Variants in SMG6 observed in about 807,000 individuals in gnomAD.
The protein encoded by SMG6 is telomerase-binding protein EST1A.
SMG6 carries 66 observed loss-of-function variants against 142.2 expected under a neutral mutation model. The ratio of observed to expected loss-of-function variants is 0.46; its 90% CI spans 0.38 to 0.57. The LOEUF is 0.57. Ranked by LOEUF, SMG6 falls within the 20% of genes least tolerant of loss-of-function variation. SMG6 has a pLI of 0.00. For missense variants in SMG6, 1,793 were observed against 1,832.0 expected (o/e 0.98, Z 0.39); for synonymous variants, 779 against 702.4 (o/e 1.11, Z -1.72).
chr17:2,204,497 C>T (rs2072621146), intron 10 of SMG6, among the ~76,000 whole-genome samples: 1 of 152,178 alleles, frequency 6.6e-6, no homozygotes, highest in African/African-American at 2.4e-5. Flanking sequence ...CAACCCCACC[C>T]ACTGTGGTGC....
chr17:2,220,491 G>A (rs529916661), intron 10 of SMG6, among the ~76,000 whole-genome samples: 7 of 152,240 alleles, frequency 4.6e-5, no homozygotes, highest in South Asian at 2.1e-4. Flanking sequence ...TTAGCTGAGC[G>A]TAGTGGCATG....
intron 12 of SMG6, among the ~76,000 whole-genome samples, chr17:2,181,342 C>T (rs902224318): frequency 3.9e-5 from 6 of 152,192 alleles, no homozygotes; most frequent in African/African-American, 9.7e-5. Flanking sequence ...CTGTTGAACG[C>T]GGGCACCAGT....
intron 8 of SMG6, among the ~76,000 whole-genome samples, chr17:2,265,416 A>G (rs2074402037): frequency 1.3e-5 from 2 of 151,976 alleles, no homozygotes; most frequent in South Asian, 2.1e-4. Flanking sequence ...AGGCTGAGGC[A>G]GGAGAAACGC....
In SMG6 at chr17:2,251,967, G is replaced by A. The variant is rs148513434; in HGVS notation, c.2662-7248C>T. Among the ~76,000 whole-genome samples the A allele has an allele frequency of 3.2e-3, 489 of 152,218 alleles. 1 individual carries two copies. Among genetic ancestry groups the A allele is most frequent in the Non-Finnish European group, 5.1e-3 (344 of 68,038 alleles). On this transcript the variant is annotated intron_variant, in intron 8 of 18. Coordinates refer to ENST00000263073, the MANE Select transcript of SMG6 (RefSeq NM_017575.5). ...AAATACAAAATTAGCCGGGCGTGGT[G>A]GCTCATGCCTGTAATCCCAGCTACA...
Position 2,256,897 on chromosome 17 carries a change from T to C in SMG6, c.2662-12178A>G, listed in dbSNP as rs115844611. Among the ~76,000 whole-genome samples, 1,500 of 151,974 alleles carry C rather than the reference T, an allele frequency of 9.9e-3. 27 individuals are homozygous for C. The highest frequency in any genetic ancestry group is 0.034 in the African/African-American group (1,409 of 41,506). On this transcript the variant is annotated intron_variant, in intron 8 of 18. Transcript: ENST00000263073. ...GAAAGAGCATACACATCACTATCTG[T>C]GAGAATTTAAATCCACTTCTTTTTG...
At chr17:2,126,226 A>T (rs1456384601) in intron 13 of SMG6, among the ~76,000 whole-genome samples, 4 of 152,132 alleles carry the variant, frequency 2.6e-5, no homozygotes, top group African/African-American at 9.7e-5. Flanking sequence ...AAAAGAGCTT[A>T]AAAAAACCTG....
At chr17:2,234,037 G>A (rs1453841068) in intron 10 of SMG6, among the ~76,000 whole-genome samples, 5 of 152,162 alleles carry the variant, frequency 3.3e-5, no homozygotes, top group Admixed American at 2.6e-4. Context: ...GTGACAATGA[G>A]GTGAGAGTCA....
intron 8 of SMG6, among the ~76,000 whole-genome samples, chr17:2,268,617 A>T (rs2074475184): frequency 6.6e-6 from 1 of 152,204 alleles, no homozygotes; most frequent in South Asian, 2.1e-4. Context: ...TACTTAAAAA[A>T]ATACAAAAAT....
intron 1 of SMG6, among the ~76,000 whole-genome samples, chr17:2,302,423 C>T (rs1006427524): frequency 2.6e-5 from 4 of 152,030 alleles, no homozygotes; most frequent in Non-Finnish European, 5.9e-5. Flanking sequence ...CGCCTACAGT[C>T]CAAGCTACTG....
chr17:2,297,099 G>T, intron 4 of SMG6, 144 bp downstream of exon 4: 2 of 479,420 alleles, frequency 4.2e-6, no homozygotes, highest in Non-Finnish European at 3.7e-6. Context: ...CATTACAATT[G>T]TTGGTTTAAT....
chr17:2,266,758 G>GTT (rs1014149298), intron 8 of SMG6, among the ~76,000 whole-genome samples: 1 of 152,178 alleles, frequency 6.6e-6, no homozygotes, highest in Non-Finnish European at 1.5e-5. Context: ...GGCATTAAGG[G>GTT]TTTATAGGTA....
chr17:2,195,658 A>C (rs1447070832), intron 10 of SMG6, among the ~76,000 whole-genome samples: 1 of 152,164 alleles, frequency 6.6e-6, no homozygotes, highest in Non-Finnish European at 1.5e-5. Context: ...AGACATAATA[A>C]CTAAGACATT....
At position 2,234,542 on chromosome 17, in the gene SMG6, C is replaced by G. The variant is rs546735532; in HGVS notation, c.2869+1950G>C. ...CCTCCCAAAGCGCTGGGATTACAGG[C>G]GTGAGCCACCGCACCCGGCCTACCA... On this transcript the variant is annotated intron_variant, in intron 10 of 18. Coordinates refer to ENST00000263073, the MANE Select transcript of SMG6 (RefSeq NM_017575.5). Among the ~76,000 whole-genome samples the G allele has an allele frequency of 9.2e-5, 14 of 152,256 alleles. No individual in the cohort carries two copies. In the South Asian group the frequency reaches 2.3e-3, roughly 25 times the overall value.
At position 2,148,453 on chromosome 17, in the gene SMG6, C is replaced by T. The variant is rs747688833; in HGVS notation, c.3357+24205G>A. Among the ~76,000 whole-genome samples, 80 of 152,216 alleles carry T rather than the reference C, an allele frequency of 5.3e-4. 1 individual carries two copies. Among genetic ancestry groups the T allele is most frequent in the Non-Finnish European group, 2.4e-4 (16 of 68,036 alleles). On this transcript the variant is annotated intron_variant, in intron 13 of 18. Transcript: ENST00000263073. ...ATTAAAAAGAAATGAACTTTTGCCA[C>T]GTGCTACGGCACGGATAAAACGTGA...
intron 8 of SMG6, among the ~76,000 whole-genome samples, chr17:2,249,762 T>A (rs986611232): frequency 1.3e-5 from 2 of 152,246 alleles, no homozygotes; most frequent in Non-Finnish European, 2.9e-5. Flanking sequence ...CAAAAATGCT[T>A]CTTGGGTGTA....
intron 10 of SMG6, among the ~76,000 whole-genome samples, chr17:2,211,557 G>A (rs1179361021): frequency 2.0e-5 from 3 of 151,764 alleles, no homozygotes; most frequent in African/African-American, 7.3e-5. Flanking sequence ...TCAGCTACTC[G>A]GGAGGCTGAG....
intron 13 of SMG6, among the ~76,000 whole-genome samples, chr17:2,150,652 G>C (rs1482479386): frequency 1.3e-5 from 2 of 152,194 alleles, no homozygotes; most frequent in Non-Finnish European, 2.9e-5. Context: ...TGGCCATCTT[G>C]AGATGTTCTT....
chr17:2,242,579 C>T (rs567933668), intron 9 of SMG6, among the ~76,000 whole-genome samples: 1 of 149,694 alleles, frequency 6.7e-6, no homozygotes, highest in African/African-American at 2.5e-5. Flanking sequence ...CATGCAGTCC[C>T]AGTGACACGG....
intron 8 of SMG6, among the ~76,000 whole-genome samples, chr17:2,267,571 T>C (rs966909970): frequency 1.3e-5 from 2 of 152,060 alleles, no homozygotes; most frequent in Admixed American, 6.6e-5. Flanking sequence ...GATATAATTA[T>C]GAGACAATGA....
Sources: gnomAD v4.1 joint callset for allele counts (sites outside exome capture counted in the v4.1 genomes callset) on GRCh38, gnomAD v4.1.1 for gene constraint, MANE v1.5 for transcripts, NCBI Gene and HGNC (gene_info 2026-07-23, HGNC 2026-07-21) for gene names.